The following CKAP2L variants were observed in gnomAD, a reference collection of about 807,000 sequenced individuals.
The protein encoded by CKAP2L is cytoskeleton associated protein 2L.
CKAP2L carries 42 observed loss-of-function variants against 65.7 expected under a neutral mutation model. The ratio of observed to expected loss-of-function variants is 0.64; its 90% confidence interval spans 0.50 to 0.83. CKAP2L has a LOEUF of 0.83. Among genes scored for constraint, CKAP2L ranks in the 40% least tolerant of loss-of-function variants. CKAP2L has a pLI of 0.00. For synonymous variants in CKAP2L, 325 were observed against 313.5 expected (o/e 1.04, Z -0.39); for missense variants, 908 against 871.0 (o/e 1.04, Z -0.53).
chr2:112,749,194 A>T (rs1023622511), intron 5 of CKAP2L, among the ~76,000 whole-genome samples: 2 of 151,026 alleles, frequency 1.3e-5, no homozygotes, highest in Non-Finnish European at 2.9e-5. Flanking sequence ...AAGTCAGCCC[A>T]TGAAGGCTTA....
Position 112,743,412 on chromosome 2 carries a change from G to T in CKAP2L, c.1759-643C>A, listed in dbSNP as rs1680092093. On this transcript the variant is annotated intron_variant, in intron 6 of 8. Coordinates refer to ENST00000302450, the MANE Select transcript of CKAP2L (RefSeq NM_152515.5). ...CCGCCTCGGCCTCCCAAACTGCTGG[G>T]ATTACACGAGTGAGCCACTGTACCT... 1.3e-5 allele frequency among the ~76,000 whole-genome samples: 2 copies of T among 152,040 alleles called. 1 individual carries two copies. The highest frequency in any genetic ancestry group is 4.1e-4 in the South Asian group (2 of 4,820).
chr2:112,753,528 T>TTTC (rs1680442840), intron 4 of CKAP2L, among the ~76,000 whole-genome samples: 1 of 40,666 alleles, frequency 2.5e-5, no homozygotes, highest in Non-Finnish European at 5.7e-5. Flanking sequence ...TTTCTTTTCT[T>TTTC]TTTTTTTTTT....
At position 112,752,419 on chromosome 2, in the gene CKAP2L, T is replaced by C. The variant is rs1349477104; in HGVS notation, c.1450A>G (p.Met484Val). 7.4e-6 allele frequency: 12 copies of C among 1,612,592 alleles called. No individual in the cohort carries two copies. The highest frequency in any genetic ancestry group is 1.3e-5 in the African/African-American group (1 of 74,878). ...ACTTTTCTTTTTGTTTTAAGTTCCA[T>C]AGGAGGCCGTTTATAGGTTTTTCCC... ...SKGKTYKRPP[M>V]ELKTKRKVIK... The change falls in exon 5 of 9, where the codon ATG becomes GTG. Residue 484 changes from methionine (M) to valine (V), a missense_variant. Coordinates refer to ENST00000302450, the MANE Select transcript of CKAP2L (RefSeq NM_152515.5).
At chr2:112,742,841 T>G in intron 6 of CKAP2L, 72 bp from the exon 7 acceptor site, 1 of 936,544 alleles carries the variant, frequency 1.1e-6, no homozygotes, top group South Asian at 1.4e-5. Flanking sequence ...GAACTTTAAC[T>G]TCAAATACAT....
At position 112,764,587 on chromosome 2, in the gene CKAP2L, G is replaced by A. The variant is rs1038451068; in HGVS notation, c.12C>T (p.Pro4=). Residue 4 remains proline, a synonymous_variant, in exon 1 of 9, where the codon CCC becomes CCT. Coordinates refer to ENST00000302450, the MANE Select transcript of CKAP2L (RefSeq NM_152515.5). ...CGACAGCGGCAGCAGCGGTAGGCCC[G>A]GGCCCCACCATGACTCTTCAGTGAC... MVG[P]GPTAAAAVEE... The A allele has an allele frequency of 1.5e-5, 25 of 1,614,148 alleles. No individual in the cohort carries two copies. The highest frequency in any genetic ancestry group is 2.0e-5 in the Non-Finnish European group (24 of 1,180,006).
In CKAP2L at chr2:112,739,066, A is replaced by T; in HGVS notation, c.2013-18T>A. On this transcript the variant is annotated intron_variant, in intron 8 of 8. Transcript: ENST00000302450. ...CATTTATTCTGAGAGACAGCAAGAGATGCATTAAAAACCTTATCATTTAAA... is the reference window on the plus strand; with the variant it reads ...CATTTATTCTGAGAGACAGCAAGAGTTGCATTAAAAACCTTATCATTTAAA... 1 of 1,569,978 alleles carries T rather than the reference A, an allele frequency of 6.4e-7. No individual in the cohort carries two copies. The highest frequency in any genetic ancestry group is 8.8e-7 in the Non-Finnish European group (1 of 1,141,990).
chr2:112,741,509 T>C (rs551230423), intron 7 of CKAP2L, among the ~76,000 whole-genome samples: 1 of 152,252 alleles, frequency 6.6e-6, no homozygotes, highest in East Asian at 1.9e-4. Context: ...ATCACCAAAA[T>C]GAAAGGAAGG....
intron 6 of CKAP2L, among the ~76,000 whole-genome samples, chr2:112,743,674 G>C (rs1680102885): frequency 6.6e-6 from 1 of 152,188 alleles, no homozygotes; most frequent in Non-Finnish European, 1.5e-5. Context: ...CTGATCTCAA[G>C]TGATCCGCCT....
Position 112,746,578 on chromosome 2 carries a change from G to A in CKAP2L, c.1603-3C>T, listed in dbSNP as rs751792984. On this transcript the variant is annotated splice_region_variant and splice_polypyrimidine_tract_variant and intron_variant, in intron 5 of 8. Coordinates refer to ENST00000302450, the MANE Select transcript of CKAP2L (RefSeq NM_152515.5). ...AGTATTTCATTAGAAGGTACACCCT[G>A]AAATAAACCAAAATATCCAGAGGTA... 1 of 1,599,434 alleles carries A rather than the reference G, an allele frequency of 6.3e-7. No individual in the cohort carries two copies. Among genetic ancestry groups the A allele is most frequent in the Non-Finnish European group, 8.6e-7 (1 of 1,169,338 alleles).
At chr2:112,752,670 C>T (rs147165388) in intron 4 of CKAP2L, among the ~76,000 whole-genome samples, 196 bp from the exon 5 acceptor site, 201 of 152,270 alleles carry the variant, frequency 1.3e-3, no homozygotes, top group African/African-American at 3.9e-3. Flanking sequence ...AAGGCAGACA[C>T]CAAGATTCTA....
chr2:112,757,385 GTTTTTTTT>G (rs11311328), intron 3 of CKAP2L, among the ~76,000 whole-genome samples, 171 bp from the exon 4 acceptor site: 5 of 87,436 alleles, frequency 5.7e-5, no homozygotes, highest in Admixed American at 3.9e-4. Flanking sequence ...TAGTTTTTGT[GTTTTTTTT>G]TTTTTTTTTT....
At chr2:112,740,460 G>A (rs1459736349) in intron 8 of CKAP2L, among the ~76,000 whole-genome samples, 1 of 152,164 alleles carries the variant, frequency 6.6e-6, no homozygotes, top group Non-Finnish European at 1.5e-5. Flanking sequence ...TCTCTGACTA[G>A]TACATACTCC....
chr2:112,757,178 C>T lies in CKAP2L; in HGVS notation c.193G>A (p.Val65Ile). ...RPKNDVTNHV[V>I]LPVKPKRSIS... is the part of the protein sequence containing the mutation. ...GACCTTTTAGGTTTGACAGGCAAAA[C>T]AACATGGTTGGTAACATCATTTTTG... Residue 65 changes from valine to isoleucine, a missense_variant, in exon 4 of 9, where the codon GTT (valine) becomes ATT (isoleucine). Transcript: ENST00000302450. 6.2e-7 allele frequency: 1 copy of T among 1,612,076 alleles called. No homozygotes were observed. Among genetic ancestry groups the T allele is most frequent in the African/African-American group, 1.3e-5 (1 of 74,866 alleles).
intron 6 of CKAP2L, among the ~76,000 whole-genome samples, chr2:112,745,493 C>CCT (rs1680175759): frequency 1.3e-5 from 2 of 151,880 alleles, no homozygotes; most frequent in Non-Finnish European, 2.9e-5. Flanking sequence ...CATTCTCCTG[C>CCT]CTCAGCCTCC....
chr2:112,755,806 A>C (rs548793162), intron 4 of CKAP2L, among the ~76,000 whole-genome samples, 171 bp downstream of exon 4: 8 of 152,206 alleles, frequency 5.3e-5, no homozygotes, highest in African/African-American at 1.4e-4. Flanking sequence ...TGTACCACCT[A>C]GCCCTGTCAA....
At chr2:112,745,413 A>G (rs988679744) in intron 6 of CKAP2L, among the ~76,000 whole-genome samples, 11 of 149,100 alleles carry the variant, frequency 7.4e-5, no homozygotes, top group Middle Eastern at 3.4e-3. Context: ...ACAGTCTTGC[A>G]CTGTTGCCCA....
chr2:112,753,567 GC>G (rs1264343298), intron 4 of CKAP2L, among the ~76,000 whole-genome samples: 1 of 102,944 alleles, frequency 9.7e-6, no homozygotes, highest in East Asian at 2.9e-4. Flanking sequence ...TTGCTCTGTT[GC>G]CCAGGCTGGA....
intron 3 of CKAP2L, among the ~76,000 whole-genome samples, chr2:112,759,677 C>T (rs1680658773): frequency 6.6e-6 from 1 of 152,146 alleles, no homozygotes; most frequent in Admixed American, 6.5e-5. Context: ...AAACGTTAAA[C>T]CATTGTTCAT....
chr2:112,757,298 TAA>T (rs200611632), intron 3 of CKAP2L, 84 bp from the exon 4 acceptor site: 10 of 869,314 alleles, frequency 1.2e-5, no homozygotes, highest in Non-Finnish European at 1.6e-5. Flanking sequence ...TAACACATGC[TAA>T]AAAAAATAAT....
Sources: allele counts gnomAD v4.1 joint callset (sites outside exome capture counted in the v4.1 genomes callset), GRCh38; gene constraint gnomAD v4.1.1; transcripts MANE v1.5; gene names NCBI Gene and HGNC (gene_info 2026-07-23, HGNC 2026-07-21).